Variants in WDR43 observed in about 807,000 individuals in gnomAD.
WDR43 encodes WD repeat domain 43, also known as WD repeat-containing protein 43.
Under a neutral mutation model 91.4 loss-of-function variants are expected in WDR43, and 13 were observed. The observed-to-expected ratio is 0.14, with a 90% confidence interval of 0.09 to 0.23. WDR43 has a LOEUF of 0.23. Among genes scored for constraint, WDR43 ranks in the 10% least tolerant of loss-of-function variants. The probability of loss-of-function intolerance (pLI) is 1.00; values close to 1 mark genes in which losing one functional copy is unlikely to be tolerated. For synonymous variants in WDR43, 331 were observed against 287.9 expected, an observed-to-expected ratio of 1.15 and a Z score of -1.51; for missense variants, 780 against 809.4, an observed-to-expected ratio of 0.96 and a Z score of 0.44.
chr2:28,907,477 G>T (rs1670705081), intron 3 of WDR43, among the ~76,000 whole-genome samples: 1 of 148,336 alleles, frequency 6.7e-6, no homozygotes, highest in African/African-American at 2.5e-5. Context: ...AATTGGGTGT[G>T]GTGGCATGCA....
intron 1 of WDR43, among the ~76,000 whole-genome samples, chr2:28,899,088 A>G (rs1252418131): frequency 6.6e-6 from 1 of 152,246 alleles, no homozygotes; most frequent in Non-Finnish European, 1.5e-5. Context: ...TCATGGTGGA[A>G]AAGACTCCTT....
intron 11 of WDR43, 26 bp from the exon 12 acceptor site, chr2:28,935,495 T>G: frequency 6.6e-7 from 1 of 1,519,286 alleles, no homozygotes; most frequent in Non-Finnish European, 9.0e-7. Flanking sequence ...TATGCTCATC[T>G]TAATAATCCT....
chr2:28,895,834 G>A (rs974230057), intron 1 of WDR43: 1 of 152,192 alleles, frequency 6.6e-6, no homozygotes, highest in African/African-American at 2.4e-5. Context: ...TCACTGCAAA[G>A]TGATTTGGAA....
At chr2:28,918,312 CCTAA>C (rs1420552098) in intron 6 of WDR43, among the ~76,000 whole-genome samples, 7 of 140,176 alleles carry the variant, frequency 5.0e-5, no homozygotes, top group African/African-American at 1.9e-4. Flanking sequence ...GGTGATAGCT[CCTAA>C]CTAAGGTGTG....
rs559367105 is a variant in WDR43, at chr2:28,927,661, C to A, written c.1266C>A (p.Thr422=). 6 of 1,613,846 alleles carry A rather than the reference C, an allele frequency of 3.7e-6. No individual in the cohort carries two copies. In the African/African-American group the frequency reaches 6.7e-5, roughly 18 times the overall value. The change falls in exon 10 of 18, where the codon ACC becomes ACA. Residue 422 remains threonine, a synonymous_variant. Transcript: ENST00000407426. ...CTATCAAGCCCGCTCCTCCACAAAC[C>A]GAGCAAGTAGAGAGCAAGAGGAAGT... is the stretch of plus-strand genomic sequence containing the variant. ...HAAIKPAPPQ[T]EQVESKRKSG... is the part of the protein sequence containing the mutation.
chr2:28,898,667 A>G (rs1175647469), intron 1 of WDR43, among the ~76,000 whole-genome samples: 1 of 152,114 alleles, frequency 6.6e-6, no homozygotes, highest in Non-Finnish European at 1.5e-5. Flanking sequence ...TTAGTGGATT[A>G]TGTAATAAAC....
intron 3 of WDR43, among the ~76,000 whole-genome samples, chr2:28,909,580 A>G (rs953481365): frequency 2.0e-5 from 3 of 152,230 alleles, no homozygotes; most frequent in Non-Finnish European, 4.4e-5. Context: ...AGCATTAAAA[A>G]GCTGATTGGT....
At chr2:28,924,957 A>T in intron 7 of WDR43, 25 bp from the exon 8 acceptor site, 1 of 1,594,896 alleles carries the variant, frequency 6.3e-7, no homozygotes, top group Admixed American at 1.8e-5. Flanking sequence ...AAATTCTTTA[A>T]TCTCATTTCC....
At chr2:28,899,816 A>G (rs1198685749) in intron 1 of WDR43, among the ~76,000 whole-genome samples, 4 of 152,190 alleles carry the variant, frequency 2.6e-5, no homozygotes, top group Non-Finnish European at 5.9e-5. Context: ...CTGCTGAATA[A>G]AGACCATCCA....
At chr2:28,938,267 A>G (rs1299615530) in intron 14 of WDR43, among the ~76,000 whole-genome samples, 2 of 152,210 alleles carry the variant, frequency 1.3e-5, no homozygotes, top group African/African-American at 2.4e-5. Context: ...GAGAAAAGTT[A>G]TATAATGACA....
intron 11 of WDR43, chr2:28,930,109 T>G (rs780079834): frequency 1.7e-5 from 8 of 471,290 alleles, no homozygotes; most frequent in South Asian, 7.7e-5. Flanking sequence ...TATTTCCCCC[T>G]GGCCGTGAGA....
At chr2:28,924,444 T>G (rs1325360332) in intron 7 of WDR43, among the ~76,000 whole-genome samples, 1 of 152,148 alleles carries the variant, frequency 6.6e-6, no homozygotes, top group Non-Finnish European at 1.5e-5. Flanking sequence ...GGAACTTATT[T>G]ATATCATGTC....
At chr2:28,943,540 A>T (rs1010670714) in intron 16 of WDR43, among the ~76,000 whole-genome samples, 2 of 152,200 alleles carry the variant, frequency 1.3e-5, no homozygotes. Flanking sequence ...GATCATCCTC[A>T]AATACCCTGA....
intron 7 of WDR43, among the ~76,000 whole-genome samples, chr2:28,923,813 C>T (rs114080310): frequency 0.018 from 2,749 of 152,060 alleles, 49 homozygotes; most frequent in Non-Finnish European, 0.027. Context: ...AATTGAGACT[C>T]AGAAGAAGTG....
chr2:28,922,824 T>A, intron 6 of WDR43, 95 bp from the exon 7 acceptor site: 1 of 537,718 alleles, frequency 1.9e-6, no homozygotes, highest in South Asian at 5.5e-5. Context: ...TCTGGTTGTG[T>A]AATGGGGTGG....
chr2:28,935,144 A>G (rs912763818), intron 11 of WDR43, among the ~76,000 whole-genome samples: 1 of 152,180 alleles, frequency 6.6e-6, no homozygotes, highest in Non-Finnish European at 1.5e-5. Context: ...TTTCTAAGTA[A>G]TTTTACTGTT....
intron 3 of WDR43, among the ~76,000 whole-genome samples, chr2:28,909,503 CTT>C (rs1360931135): frequency 1.3e-5 from 2 of 152,094 alleles, no homozygotes; most frequent in Admixed American, 6.5e-5. Flanking sequence ...GATTTGGCCT[CTT>C]TTATGTTTAA....
chr2:28,906,556 A>G lies in WDR43; in HGVS notation c.460A>G (p.Asn154Asp). Reference protein sequence around the residue: ...CSDDKHIVEWNVQTCKVKCKW... With the variant: ...CSDDKHIVEWDVQTCKVKCKW... ...AGATGATAAACATATTGTGGAATGG[A>G]ACGTACAGACATGCAAAGTAAAGTG... The change falls in exon 3 of 18, where the codon AAC becomes GAC. Residue 154 changes from asparagine (N) to aspartate (D), a missense_variant. Coordinates refer to ENST00000407426, the MANE Select transcript of WDR43 (RefSeq NM_015131.3). The G allele has an allele frequency of 6.2e-7, 1 of 1,612,160 alleles. No homozygotes were observed. Among genetic ancestry groups the G allele is most frequent in the Non-Finnish European group, 8.5e-7 (1 of 1,179,210 alleles).
At chr2:28,930,720 G>A (rs756481910) in intron 11 of WDR43, among the ~76,000 whole-genome samples, 4 of 152,100 alleles carry the variant, frequency 2.6e-5, no homozygotes, top group Admixed American at 6.6e-5. Context: ...TCCTCAGTAG[G>A]TACAAATGAA....
Sources: gnomAD v4.1 joint callset for allele counts (sites outside exome capture counted in the v4.1 genomes callset) on GRCh38, gnomAD v4.1.1 for gene constraint, MANE v1.5 for transcripts, NCBI Gene and HGNC (gene_info 2026-07-23, HGNC 2026-07-21) for gene names.